The following ADAMTSL1 variants were observed in gnomAD, a reference collection of about 807,000 sequenced individuals.
ADAMTSL1 encodes the protein ADAMTS-like protein 1.
A neutral mutation model predicts 201.8 loss-of-function variants in ADAMTSL1; 126 were observed. The ratio of observed to expected loss-of-function variants is 0.62; its 90% CI spans 0.54 to 0.72. ADAMTSL1 has a LOEUF of 0.72. Among genes scored for constraint, ADAMTSL1 ranks in the 30% least tolerant of loss-of-function variants. The pLI is 0.00. For missense variants in ADAMTSL1, 2,679 were observed against 2,277.8 expected (o/e 1.18, Z -3.59); for synonymous variants, 1,121 against 903.4 (o/e 1.24, Z -4.32).
At chr9:18,133,850 TG>T (rs1381694354) in intron 1 of ADAMTSL1, among the ~76,000 whole-genome samples, 2 of 150,972 alleles carry the variant, frequency 1.3e-5, no homozygotes, top group African/African-American at 5.0e-5. Flanking sequence ...TTAACTCTAA[TG>T]GGCAACTAGA....
intron 1 of ADAMTSL1, among the ~76,000 whole-genome samples, chr9:18,112,318 C>T (rs1247150691): frequency 6.6e-6 from 1 of 152,058 alleles, no homozygotes; most frequent in Non-Finnish European, 1.5e-5. Flanking sequence ...TGGAGTTAAT[C>T]TCCCCGAGGG....
chr9:18,741,547 G>C (rs1035243911), intron 15 of ADAMTSL1, among the ~76,000 whole-genome samples: 1 of 152,168 alleles, frequency 6.6e-6, no homozygotes, highest in African/African-American at 2.4e-5. Flanking sequence ...CTACTCAAAA[G>C]AACTAACTCA....
chr9:18,882,455 A>G, intron 23 of ADAMTSL1, among the ~76,000 whole-genome samples: 1 of 152,120 alleles, frequency 6.6e-6, no homozygotes, highest in East Asian at 1.9e-4. Context: ...TCATACACAT[A>G]TAGTTTTCCT....
chr9:18,855,306 G>A (rs1261822540), intron 23 of ADAMTSL1, among the ~76,000 whole-genome samples: 2 of 152,182 alleles, frequency 1.3e-5, no homozygotes, highest in Non-Finnish European at 1.5e-5. Flanking sequence ...GAGCATTCTG[G>A]GAGAAACATT....
intron 1 of ADAMTSL1, among the ~76,000 whole-genome samples, chr9:18,010,161 T>G (rs2131553927): frequency 6.6e-6 from 1 of 152,164 alleles, no homozygotes; most frequent in South Asian, 2.1e-4. Flanking sequence ...GCCAAGTTTT[T>G]CAGACGAAAC....
At chr9:18,586,613 A>G (rs979259090) in intron 4 of ADAMTSL1, among the ~76,000 whole-genome samples, 1 of 152,154 alleles carries the variant, frequency 6.6e-6, no homozygotes, top group Non-Finnish European at 1.5e-5. Flanking sequence ...TTCATATGGA[A>G]TTTTAAAAAG....
chr9:18,548,438 ATG>A (rs1176636708), intron 3 of ADAMTSL1, among the ~76,000 whole-genome samples: 1 of 152,000 alleles, frequency 6.6e-6, no homozygotes, highest in Non-Finnish European at 1.5e-5. Context: ...GATGTGCCTT[ATG>A]GAGAAAATGT....
chr9:17,916,865 T>G (rs1231508133), intron 1 of ADAMTSL1, among the ~76,000 whole-genome samples: 1 of 152,194 alleles, frequency 6.6e-6, no homozygotes, highest in Non-Finnish European at 1.5e-5. Context: ...AGATATATTT[T>G]GAGAGAATTG....
chr9:18,645,704 T>G (rs71476278), intron 7 of ADAMTSL1, among the ~76,000 whole-genome samples: 2 of 147,920 alleles, frequency 1.4e-5, no homozygotes, highest in Admixed American at 6.8e-5. Context: ...GTTGTAGATA[T>G]GCAGCATTAT....
intron 1 of ADAMTSL1, among the ~76,000 whole-genome samples, chr9:18,025,068 T>C (rs1820636659): frequency 6.6e-6 from 1 of 152,022 alleles, no homozygotes. Flanking sequence ...ATGTCTTCTT[T>C]TAAGAAGTGT....
chr9:18,768,281 C>G (rs1820477992), intron 16 of ADAMTSL1, among the ~76,000 whole-genome samples: 1 of 152,180 alleles, frequency 6.6e-6, no homozygotes. Flanking sequence ...GGTCTGCAAG[C>G]ACGCAGGAGT....
intron 13 of ADAMTSL1, among the ~76,000 whole-genome samples, chr9:18,705,845 A>G (rs1370156346): frequency 1.3e-5 from 2 of 152,252 alleles, no homozygotes; most frequent in Non-Finnish European, 2.9e-5. Flanking sequence ...TTATTTTGTT[A>G]TCAGTATCAG....
rs1327740227 is a variant in ADAMTSL1 at position 18,648,047 on chromosome 9, C to G, written c.834+8636C>G. Among the ~76,000 whole-genome samples, 4 of 148,662 alleles carry G rather than the reference C, an allele frequency of 2.7e-5. 1 individual carries two copies. The highest frequency in any genetic ancestry group is 9.8e-5 in the African/African-American group (4 of 40,660). Reference sequence around the variant, plus strand: ...AAGTCTCTTTGTAGGTCACTCAGGACTTGCTTTATGAATCTGGGTGCTCCT... The same window carrying G: ...AAGTCTCTTTGTAGGTCACTCAGGAGTTGCTTTATGAATCTGGGTGCTCCT... On this transcript the variant is annotated intron_variant, in intron 7 of 28. Transcript: ENST00000380548.
chr9:17,933,311 G>C (rs544940424), intron 1 of ADAMTSL1, among the ~76,000 whole-genome samples: 3 of 152,000 alleles, frequency 2.0e-5, no homozygotes, highest in Admixed American at 2.0e-4. Flanking sequence ...GGTCAAATCG[G>C]TCTCTGCATC....
At chr9:18,112,343 A>G (rs1206918636) in intron 1 of ADAMTSL1, among the ~76,000 whole-genome samples, 1 of 152,096 alleles carries the variant, frequency 6.6e-6, no homozygotes, top group Non-Finnish European at 1.5e-5. Flanking sequence ...TACTCCATTA[A>G]TAGGTATAGT....
In ADAMTSL1 at chr9:18,032,234, C is replaced by T. The variant is rs542488950; in HGVS notation, c.87+125312C>T. ...CACTGGCACACAAACCAGCACCTCA[C>T]TCTTCTTTGTGTCCCAAGAGTGGTG... On this transcript the variant is annotated intron_variant, in intron 1 of 29. Coordinates refer to the ADAMTSL1 transcript ENST00000680146. 2.1e-4 allele frequency among the ~76,000 whole-genome samples: 32 copies of T among 152,322 alleles called. 1 individual carries two copies. The South Asian group carries it at 6.4e-3, about 31-fold the overall frequency.
intron 2 of ADAMTSL1, among the ~76,000 whole-genome samples, chr9:18,358,406 A>G (rs1469030135): frequency 6.6e-6 from 1 of 152,210 alleles, no homozygotes; most frequent in Admixed American, 6.5e-5. Context: ...TCATTATTTT[A>G]AAGTATAAAA....
chr9:18,714,518 C>T (rs996405835), intron 14 of ADAMTSL1, among the ~76,000 whole-genome samples: 4 of 142,736 alleles, frequency 2.8e-5, no homozygotes, highest in African/African-American at 1.0e-4. Context: ...AATTCCTCAA[C>T]ACATACACTC....
At chr9:18,599,387 T>G (rs1182236525) in intron 4 of ADAMTSL1, among the ~76,000 whole-genome samples, 1 of 152,184 alleles carries the variant, frequency 6.6e-6, no homozygotes, top group African/African-American at 2.4e-5. Flanking sequence ...TGGGCCTCAA[T>G]TATTGAAGGG....
Sources: allele counts gnomAD v4.1 joint callset (sites outside exome capture counted in the v4.1 genomes callset), GRCh38; gene constraint gnomAD v4.1.1; transcripts MANE v1.5; gene names NCBI Gene and HGNC (gene_info 2026-07-23, HGNC 2026-07-21).